KHDC4: variants seen among roughly 807,000 people sequenced by gnomAD.
KHDC4 encodes the protein KH homology domain-containing protein 4.
A neutral mutation model predicts 74.5 loss-of-function variants in KHDC4; 19 were observed. The observed-to-expected ratio is 0.26, with a 90% confidence interval of 0.18 to 0.37. The LOEUF is 0.37. Among genes scored for constraint, KHDC4 ranks in the 10% least tolerant of loss-of-function variants. KHDC4 has a pLI of 1.00. For missense variants in KHDC4, 632 were observed against 754.1 expected, an observed-to-expected ratio of 0.84 and a Z score of 1.90; for synonymous variants, 253 against 266.1, an observed-to-expected ratio of 0.95 and a Z score of 0.48.
rs542239709 is a variant in KHDC4 at position 155,920,430 on chromosome 1, C to G, written c.1266+945G>C. On this transcript the variant is annotated intron_variant, in intron 10 of 13. Transcript: ENST00000368321. ...CCAGCCTGGGCAACAGAGCGAGACT[C>G]TGTCTCAAAAAAAAAATTTTTTTAA... Among the ~76,000 whole-genome samples the G allele has an allele frequency of 2.6e-5, 4 of 152,056 alleles. No individual in the cohort carries two copies. In the South Asian group the frequency reaches 8.3e-4, roughly 32 times the overall value.
chr1:155,916,670 C>A lies in KHDC4; in HGVS notation c.1508G>T (p.Gly503Val), dbSNP rs768198934. The change falls in exon 12 of 14, where the codon GGA (glycine) becomes GTA (valine). Residue 503 changes from glycine to valine, a missense_variant. This residue lies in a region of KHDC4 where 254 missense variants were observed against 267.4 expected (regional missense o/e 0.95). Coordinates refer to ENST00000368321, the MANE Select transcript of KHDC4 (RefSeq NM_014949.4). ...GCCTGAGGAACTTGCTGGCTTCGAT[C>A]CTGCACCTTCAATCTCATTCTGACT... is the stretch of plus-strand genomic sequence containing the variant. Reference protein sequence around the residue: ...FSSQNEIEGAGSKPASSSGKE... With the variant: ...FSSQNEIEGAVSKPASSSGKE... 6.2e-7 allele frequency: 1 copy of A among 1,613,870 alleles called. No individual in the cohort carries two copies. Among genetic ancestry groups the A allele is most frequent in the African/African-American group, 1.3e-5 (1 of 74,930 alleles).
intron 10 of KHDC4, among the ~76,000 whole-genome samples, chr1:155,919,585 C>A (rs942987636): frequency 1.3e-5 from 2 of 151,692 alleles, no homozygotes; most frequent in Non-Finnish European, 2.9e-5. Context: ...CTGAGGTGGG[C>A]GGATCACGAG....
intron 6 of KHDC4, chr1:155,926,075 T>C (rs778674768): frequency 7.0e-6 from 5 of 711,450 alleles, no homozygotes; most frequent in Admixed American, 1.7e-5. Flanking sequence ...TCAGCCTTCT[T>C]AGTCCTCCAG....
intron 13 of KHDC4, chr1:155,915,025 T>A (rs1673701987): frequency 6.6e-6 from 1 of 152,232 alleles, no homozygotes; most frequent in South Asian, 2.1e-4. Flanking sequence ...CTGTATACAA[T>A]TTTTTTAAAA....
intron 4 of KHDC4, 31 bp from the exon 5 acceptor site, chr1:155,927,187 A>C: frequency 1.9e-6 from 3 of 1,598,574 alleles, no homozygotes; most frequent in Non-Finnish European, 1.7e-6. Flanking sequence ...GGATGATCTC[A>C]ATGTGGTCAA....
intron 3 of KHDC4, 62 bp from the exon 4 acceptor site, chr1:155,929,437 A>G (rs1337428263): frequency 1.5e-6 from 2 of 1,325,718 alleles, no homozygotes; most frequent in African/African-American, 2.9e-5. Flanking sequence ...TGGCAGACAG[A>G]TTTTCTTCCC....
chr1:155,915,609 G>C (rs1197342737), intron 13 of KHDC4: 3 of 407,508 alleles, frequency 7.4e-6, no homozygotes, highest in African/African-American at 6.2e-5. Flanking sequence ...CCAGGTTGAA[G>C]CGATTCTCCT....
intron 10 of KHDC4, among the ~76,000 whole-genome samples, chr1:155,920,930 G>A (rs1673848713): frequency 6.6e-6 from 1 of 152,170 alleles, no homozygotes; most frequent in Non-Finnish European, 1.5e-5. Context: ...AATGGCCAAG[G>A]GTATGGCAAA....
At position 155,914,002 on chromosome 1, in the gene KHDC4, T is replaced by C; in HGVS notation, c.*119A>G. 1 of 821,228 alleles carries C rather than the reference T, an allele frequency of 1.2e-6. No homozygotes were observed. Among genetic ancestry groups the C allele is most frequent in the East Asian group, 2.6e-5 (1 of 39,076 alleles). The allele number at this position is 821,228 out of a possible 1,614,324, so 50.9% of individuals were successfully genotyped here. On this transcript the variant is annotated 3_prime_UTR_variant, in exon 14 of 14. Transcript: ENST00000368321. Reference sequence around the variant, plus strand: ...CTTTAAGAAAGGGGGGCACTGAATCTCTAACTTCTGCAAAGGTCCAGATGG... The same window carrying C: ...CTTTAAGAAAGGGGGGCACTGAATCCCTAACTTCTGCAAAGGTCCAGATGG...
At chr1:155,927,837 CACA>C (rs1674047590) in intron 4 of KHDC4, among the ~76,000 whole-genome samples, 2 of 10,726 alleles carry the variant, frequency 1.9e-4, no homozygotes, top group Non-Finnish European at 2.7e-4. Flanking sequence ...AAAAACCACA[CACA>C]CACACACACA....
intron 4 of KHDC4, among the ~76,000 whole-genome samples, chr1:155,927,441 A>G (rs1046866563): frequency 3.7e-4 from 56 of 152,288 alleles, no homozygotes; most frequent in Non-Finnish European, 7.9e-4. Flanking sequence ...ATAACCCAAT[A>G]TTTAAGAACA....
chr1:155,924,237 T>G (rs992882422), intron 7 of KHDC4, among the ~76,000 whole-genome samples: 1 of 152,076 alleles, frequency 6.6e-6, no homozygotes, highest in East Asian at 1.9e-4. Flanking sequence ...GGCGACAGAA[T>G]CTTGCTCTGT....
At chr1:155,923,914 C>T (rs1673923276) in intron 7 of KHDC4, among the ~76,000 whole-genome samples, 1 of 152,106 alleles carries the variant, frequency 6.6e-6, no homozygotes. Context: ...AGTAATGGTA[C>T]TTCTCGATAT....
At chr1:155,921,985 AC>A in intron 8 of KHDC4, 67 bp from the exon 9 acceptor site, 1 of 954,562 alleles carries the variant, frequency 1.0e-6, no homozygotes, top group Non-Finnish European at 1.7e-6. Context: ...GGGTCTGATT[AC>A]ATAATTCTAG....
chr1:155,928,139 G>A (rs756123180), intron 4 of KHDC4, among the ~76,000 whole-genome samples: 46 of 152,100 alleles, frequency 3.0e-4, no homozygotes, highest in Non-Finnish European at 5.0e-4. Context: ...TTGGGAGGCC[G>A]AGGCAGGGGA....
rs897452739 is a variant in KHDC4 at position 155,918,977 on chromosome 1, T to TG, written c.1267-1306_1267-1305insC. ...AATCTAATTCTAACTCCCAGTTTTTTTTTTTTTTTTTTTTTGAGTTTTGCT... is the reference window on the plus strand; with the variant it reads ...AATCTAATTCTAACTCCCAGTTTTTTGTTTTTTTTTTTTTTTGAGTTTTGCT... On this transcript the variant is annotated intron_variant, in intron 10 of 13. Coordinates refer to ENST00000368321, the MANE Select transcript of KHDC4 (RefSeq NM_014949.4). Among the ~76,000 whole-genome samples the TG allele has an allele frequency of 1.9e-4, 29 of 149,540 alleles. 1 individual carries two copies. The highest frequency in any genetic ancestry group is 2.0e-4 in the East Asian group (1 of 5,094).
chr1:155,928,201 C>T (rs1674062541), intron 4 of KHDC4, among the ~76,000 whole-genome samples: 1 of 152,026 alleles, frequency 6.6e-6, no homozygotes, highest in Admixed American at 6.6e-5. Flanking sequence ...TCGTGAAACC[C>T]CATCTCTACT....
chr1:155,926,294 AT>A (rs892438039), intron 6 of KHDC4, among the ~76,000 whole-genome samples: 5 of 94,364 alleles, frequency 5.3e-5, no homozygotes, highest in South Asian at 3.4e-4. Flanking sequence ...GAATTTCACG[AT>A]TTTTTTTTCT....
In KHDC4 at chr1:155,920,007, G is replaced by GCCCACAGA. The variant is rs768185657; in HGVS notation, c.1266+1360_1266+1367dup. 3 of 516,652 alleles carry GCCCACAGA rather than the reference G, an allele frequency of 5.8e-6. No homozygotes were observed. The East Asian group carries it at 1.7e-4, about 28-fold the overall frequency. The allele number at this position is 516,652 out of a possible 1,614,324, so 32.0% of individuals were successfully genotyped here. On this transcript the variant is annotated intron_variant, in intron 10 of 13. Coordinates refer to ENST00000368321, the MANE Select transcript of KHDC4 (RefSeq NM_014949.4). ...CTATGGCATGGGTACACTATGAGAG[G>GCCCACAGA]CCCACAGAGAAGGACCCACCATAAA...
Sources: gnomAD v4.1 joint callset for allele counts (sites outside exome capture counted in the v4.1 genomes callset) on GRCh38, gnomAD v4.1.1 for gene constraint, gnomAD v4.1.1 regional missense constraint, MANE v1.5 for transcripts, NCBI Gene and HGNC (gene_info 2026-07-23, HGNC 2026-07-21) for gene names.